RUNX1T1: variants seen among roughly 807,000 people sequenced by gnomAD.
RUNX1T1 encodes RUNX1 partner transcriptional co-repressor 1.
In RUNX1T1, 4 loss-of-function variants were observed where a neutral mutation model predicts 62.8. The observed-to-expected ratio is 0.06, with a 90% CI of 0.03 to 0.15. The LOEUF is 0.15. Ranked by LOEUF, RUNX1T1 falls within the 10% of genes least tolerant of loss-of-function variation. The pLI is 1.00. For missense variants in RUNX1T1, 508 were observed against 754.3 expected, an observed-to-expected ratio of 0.67 and a Z score of 3.82; for synonymous variants, 291 against 286.0, an observed-to-expected ratio of 1.02 and a Z score of -0.18.
At chr8:92,051,910 T>G (rs1160753531) in intron 1 of RUNX1T1, among the ~76,000 whole-genome samples, 10 of 152,026 alleles carry the variant, frequency 6.6e-5, no homozygotes, top group Admixed American at 1.3e-4. Flanking sequence ...AAAAAAATCC[T>G]TTGCCTGTGT....
chr8:91,980,912 TC>T (rs1815084489), intron 8 of RUNX1T1, among the ~76,000 whole-genome samples: 1 of 152,042 alleles, frequency 6.6e-6, no homozygotes. Context: ...ACTCAAGGGA[TC>T]CTCTCACCTC....
At chr8:92,080,639 G>C (rs1413526024) in intron 1 of RUNX1T1, among the ~76,000 whole-genome samples, 2 of 152,198 alleles carry the variant, frequency 1.3e-5, no homozygotes, top group Non-Finnish European at 2.9e-5. Flanking sequence ...ACCCTACATT[G>C]ATGCACTCTA....
At chr8:92,068,850 C>A (rs148359922) in intron 2 of RUNX1T1, among the ~76,000 whole-genome samples, 1 of 152,242 alleles carries the variant, frequency 6.6e-6, no homozygotes, top group Non-Finnish European at 1.5e-5. Context: ...CATGAGATAC[C>A]TTTAATCTCA....
At chr8:92,081,239 T>C (rs758108543) in intron 1 of RUNX1T1, 13 of 956,062 alleles carry the variant, frequency 1.4e-5, no homozygotes, top group African/African-American at 5.3e-5. Flanking sequence ...CCTACCTTAG[T>C]GCTCCCAGTG....
chr8:92,010,030 A>C (rs1402250459), intron 4 of RUNX1T1: 1 of 152,218 alleles, frequency 6.6e-6, no homozygotes, highest in Non-Finnish European at 1.5e-5. Context: ...CTGGATACTT[A>C]CTTGAACCTT....
chr8:92,003,289 G>T, intron 5 of RUNX1T1: 2 of 454,638 alleles, frequency 4.4e-6, no homozygotes, highest in Non-Finnish European at 8.8e-6. Context: ...TTAACATACT[G>T]CCCAGCACTT....
intron 1 of RUNX1T1, among the ~76,000 whole-genome samples, chr8:92,048,911 T>C (rs553034031): frequency 6.6e-5 from 10 of 152,304 alleles, no homozygotes; most frequent in Non-Finnish European, 1.2e-4. Context: ...CAGTGTAGTT[T>C]GCAATATTAT....
chr8:91,987,780 G>C (rs959410566), intron 6 of RUNX1T1, among the ~76,000 whole-genome samples: 2 of 152,084 alleles, frequency 1.3e-5, no homozygotes, highest in Non-Finnish European at 2.9e-5. Context: ...AGGCTGAAAG[G>C]CTCCGAACAG....
intron 5 of RUNX1T1, among the ~76,000 whole-genome samples, chr8:91,995,284 C>G (rs1818449214): frequency 6.6e-6 from 1 of 152,150 alleles, no homozygotes; most frequent in African/African-American, 2.4e-5. Flanking sequence ...AGTGCTATTA[C>G]TTCAATGACC....
chr8:91,962,312 AAAAAC>A (rs1810658385), intron 10 of RUNX1T1, among the ~76,000 whole-genome samples: 1 of 151,590 alleles, frequency 6.6e-6, no homozygotes, highest in Non-Finnish European at 1.5e-5. Flanking sequence ...AAAACAAAAC[AAAAAC>A]AAAACAAAAA....
At chr8:92,070,246 G>A (rs1166457783) in intron 2 of RUNX1T1, among the ~76,000 whole-genome samples, 2 of 152,188 alleles carry the variant, frequency 1.3e-5, no homozygotes, top group African/African-American at 2.4e-5. Flanking sequence ...AAGACTCCAC[G>A]TGGACAGAAC....
At chr8:92,102,985 A>G, upstream of RUNX1T1, 2 of 1,326,216 alleles carry the variant, frequency 1.5e-6, no homozygotes, top group Admixed American at 2.8e-5. The surrounding 1 kb of genome is among the most constrained non-coding windows in gnomAD (Gnocchi z 4.5). Context: ...GCGAGGCCAG[A>G]GTGTCCGCGG....
chr8:92,092,418 A>G (rs1297408901), intron 1 of RUNX1T1, among the ~76,000 whole-genome samples: 1 of 152,198 alleles, frequency 6.6e-6, no homozygotes, highest in Non-Finnish European at 1.5e-5. Context: ...GTATGCAGGC[A>G]CTCAAGCATA....
chr8:92,049,721 CAATAAGTCGAACTCTATTTAGATAT>C (rs1257642937), intron 1 of RUNX1T1, among the ~76,000 whole-genome samples: 1 of 152,142 alleles, frequency 6.6e-6, no homozygotes. Flanking sequence ...ATGCCTAACA[CAATAAGTCGAACTCTATTTAGATAT>C]TCAATCCCCA....
At position 91,991,641 on chromosome 8, in the gene RUNX1T1, A is replaced by G. The variant is rs143599137; in HGVS notation, c.908T>C (p.Met303Thr). ...GTGAACAGGTCCTTCAGTCTTACCC[A>G]TAGGTCTGTTTCTGTCCCTGAGGTC... The change falls in exon 6 of 11, where the codon ATG (methionine) becomes ACG (threonine). Residue 303 changes from methionine to threonine, a missense_variant and splice_region_variant. Physicochemically the swap from Met to Thr is moderately conservative, Grantham distance 81 (BLOSUM62 -1). Transcript: ENST00000396218. The G allele has an allele frequency of 2.6e-4, 417 of 1,613,166 alleles. No individual in the cohort carries two copies. Among genetic ancestry groups the G allele is most frequent in the Non-Finnish European group, 3.2e-4 (380 of 1,179,342 alleles).
intron 10 of RUNX1T1, among the ~76,000 whole-genome samples, chr8:91,968,420 G>T (rs936149917): frequency 6.6e-6 from 1 of 152,146 alleles, no homozygotes; most frequent in African/African-American, 2.4e-5. Flanking sequence ...TCTAAGAAAT[G>T]AGAACATTCA....
chr8:92,073,544 A>G (rs1040496674), intron 2 of RUNX1T1, among the ~76,000 whole-genome samples: 2 of 152,150 alleles, frequency 1.3e-5, no homozygotes, highest in East Asian at 3.9e-4. Context: ...TTACAACTCC[A>G]AAACTCTAAG....
At chr8:91,962,755 C>G (rs968764592) in intron 10 of RUNX1T1, among the ~76,000 whole-genome samples, 3 of 152,314 alleles carry the variant, frequency 2.0e-5, no homozygotes, top group African/African-American at 7.2e-5. Flanking sequence ...TAAATTACAT[C>G]AGAATATTCC....
chr8:92,013,856 C>T (rs1822472510), intron 3 of RUNX1T1, among the ~76,000 whole-genome samples: 1 of 151,970 alleles, frequency 6.6e-6, no homozygotes. Flanking sequence ...TTAGCGTTTA[C>T]CAGGAGCTGG....
Sources: allele counts gnomAD v4.1 joint callset (sites outside exome capture counted in the v4.1 genomes callset), GRCh38; gene constraint gnomAD v4.1.1; non-coding constraint Gnocchi (gnomAD v3.1); transcripts MANE v1.5; gene names NCBI Gene and HGNC (gene_info 2026-07-23, HGNC 2026-07-21).